The following UBE2D4 variants were observed in gnomAD, a reference collection of about 807,000 sequenced individuals.
UBE2D4 encodes the protein ubiquitin-conjugating enzyme E2 D4.
Under a neutral mutation model 23.0 loss-of-function variants are expected in UBE2D4, and 17 were observed. That is an observed-to-expected ratio of 0.74 (90% confidence interval 0.51 to 1.11). The LOEUF is 1.11. Ranked by LOEUF, UBE2D4 falls within the 50% of genes least tolerant of loss-of-function variation. UBE2D4 has a pLI of 0.00. For synonymous variants in UBE2D4, 61 were observed against 69.4 expected (o/e 0.88, Z 0.60); for missense variants, 139 against 181.8 (o/e 0.76, Z 1.35).
chr7:43,947,036 A>AC, intron 4 of UBE2D4: 2 of 148,572 alleles, frequency 1.3e-5, no homozygotes, highest in South Asian at 4.3e-4. Flanking sequence ...CTCAGCCCCC[A>AC]CCCCCCGACA....
rs1039913482 is a variant in UBE2D4 at position 43,952,872 on chromosome 7, C to T, written c.*177C>T. On this transcript the variant is annotated 3_prime_UTR_variant, in exon 7 of 7. Transcript: ENST00000222402. ...TTGGTGCCATTTTCAGCAATTACGGCTTTGACAGTGCCACCTCTTTGATGC... is the reference window on the plus strand; with the variant it reads ...TTGGTGCCATTTTCAGCAATTACGGTTTTGACAGTGCCACCTCTTTGATGC... 5 of 583,368 alleles carry T rather than the reference C, an allele frequency of 8.6e-6. No individual in the cohort carries two copies. Among genetic ancestry groups the T allele is most frequent in the Non-Finnish European group, 1.3e-5 (4 of 319,546 alleles). The allele number at this position is 583,368 out of a possible 1,614,324, so 36.1% of individuals were successfully genotyped here.
At chr7:43,948,836 T>C (rs772718665) in intron 5 of UBE2D4, 99 bp downstream of exon 5, 1 of 933,272 alleles carries the variant, frequency 1.1e-6, no homozygotes, top group Non-Finnish European at 1.7e-6. Context: ...GAAGTCACCT[T>C]TCCCAGGTCA....
intron 2 of UBE2D4, among the ~76,000 whole-genome samples, chr7:43,939,620 T>C (rs2095966699): frequency 6.6e-6 from 1 of 152,232 alleles, no homozygotes; most frequent in African/African-American, 2.4e-5. Flanking sequence ...AGAATGTGTA[T>C]GCCAATGTTC....
intron 4 of UBE2D4, 48 bp from the exon 5 acceptor site, chr7:43,948,584 C>G: frequency 7.8e-7 from 1 of 1,281,802 alleles, no homozygotes. Flanking sequence ...GGTTCATTTC[C>G]CACACGTCCC....
intron 1 of UBE2D4, among the ~76,000 whole-genome samples, chr7:43,931,390 G>A (rs1301471668): frequency 1.3e-5 from 2 of 152,050 alleles, no homozygotes; most frequent in African/African-American, 4.8e-5. Context: ...GTTGCAGTGA[G>A]CCGATATCGT....
chr7:43,932,171 A>G (rs534888326), intron 1 of UBE2D4, among the ~76,000 whole-genome samples: 1 of 151,554 alleles, frequency 6.6e-6, no homozygotes, highest in African/African-American at 2.4e-5. Flanking sequence ...TTGTATTTTT[A>G]GGAGAGACGG....
At chr7:43,934,453 C>CT (rs36122809) in intron 1 of UBE2D4, among the ~76,000 whole-genome samples, 9,558 of 142,166 alleles carry the variant, frequency 0.067, 340 homozygotes, top group East Asian at 0.1. Context: ...CTTGTTTTTC[C>CT]TTTTTTTTTT....
At position 43,953,225 on chromosome 7, in the gene UBE2D4, G is replaced by A. The variant is rs1386623487; in HGVS notation, c.*530G>A. 2 of 456,552 alleles carry A rather than the reference G, an allele frequency of 4.4e-6. No homozygotes were observed. Among genetic ancestry groups the A allele is most frequent in the South Asian group, 1.5e-5 (1 of 64,562 alleles). 28.3% of individuals were successfully genotyped at this position (456,552 alleles called of 1,614,324 possible). ...GAGGGAATTGGGAACAGTGTCACTG[G>A]GAAGTGAAGGCCTAGCCCTGTGGCT... On this transcript the variant is annotated 3_prime_UTR_variant, in exon 7 of 7. Transcript: ENST00000222402.
At chr7:43,930,425 A>G (rs1165945583) in intron 1 of UBE2D4, among the ~76,000 whole-genome samples, 1 of 152,170 alleles carries the variant, frequency 6.6e-6, no homozygotes, top group African/African-American at 2.4e-5. Context: ...TTCAAATTGA[A>G]TATTTTTAGA....
At chr7:43,937,238 C>T (rs1281616236) in intron 1 of UBE2D4, among the ~76,000 whole-genome samples, 1 of 152,178 alleles carries the variant, frequency 6.6e-6, no homozygotes, top group African/African-American at 2.4e-5. Flanking sequence ...CTTAGCAGTT[C>T]TGTCATAGGG....
chr7:43,928,037 G>GC, intron 1 of UBE2D4: 1 of 453,758 alleles, frequency 2.2e-6, no homozygotes, highest in Non-Finnish European at 4.4e-6. Context: ...CATGGTGCCA[G>GC]CATCTGCTTC....
chr7:43,926,953 C>T (rs907347847), intron 1 of UBE2D4, among the ~76,000 whole-genome samples: 1 of 152,186 alleles, frequency 6.6e-6, no homozygotes, highest in Non-Finnish European at 1.5e-5. Flanking sequence ...AAGGCTTTCC[C>T]TGCAACGGGG....
chr7:43,939,825 A>G lies in UBE2D4; in HGVS notation c.88+1331A>G, dbSNP rs570951782. On this transcript the variant is annotated intron_variant, in intron 2 of 6. Coordinates refer to ENST00000222402, the MANE Select transcript of UBE2D4 (RefSeq NM_015983.4). ...CTAGACTAGGCAAATTCATAGAGAC[A>G]GACGGTAGATGAGAGATTACCTGAG... 1.8e-4 allele frequency among the ~76,000 whole-genome samples: 27 copies of G among 152,358 alleles called. No individual in the cohort carries two copies. The South Asian group carries it at 3.1e-3, about 18-fold the overall frequency.
intron 2 of UBE2D4, chr7:43,942,484 T>C: frequency 4.3e-6 from 2 of 463,122 alleles, no homozygotes; most frequent in South Asian, 4.7e-5. Flanking sequence ...CCTGATTGGG[T>C]GTTCTGTGTG....
At chr7:43,926,602 G>A (rs2095931282) in intron 1 of UBE2D4, 46 bp downstream of exon 1, 3 of 1,537,048 alleles carry the variant, frequency 2.0e-6, no homozygotes, top group Non-Finnish European at 2.6e-6. Flanking sequence ...CCGAAGCGTC[G>A]AGGTGTGGGC....
intron 1 of UBE2D4, among the ~76,000 whole-genome samples, chr7:43,935,521 A>G (rs1264049714): frequency 6.6e-6 from 1 of 152,186 alleles, no homozygotes; most frequent in Non-Finnish European, 1.5e-5. Flanking sequence ...TTGGCCCTAA[A>G]GGAACATAAG....
intron 4 of UBE2D4, chr7:43,947,041 C>G (rs1001597380): frequency 6.6e-6 from 1 of 152,244 alleles, no homozygotes; most frequent in South Asian, 2.1e-4. Flanking sequence ...CCCCCACCCC[C>G]CGACAGGCCC....
rs1241854487 is a variant in UBE2D4 at position 43,954,589 on chromosome 7, G to A, written c.*1894G>A. The A allele has an allele frequency of 6.6e-6, 1 of 152,170 alleles. No homozygotes were observed. The highest frequency in any genetic ancestry group is 2.4e-5 in the African/African-American group (1 of 41,438). The allele number at this position is 152,170 out of a possible 1,614,324, so 9.4% of individuals were successfully genotyped here. On this transcript the variant is annotated 3_prime_UTR_variant, in exon 7 of 7. Transcript: ENST00000222402. ...AGCAAGGATTGCTGTTTTAATTCTT[G>A]TATCTTCGTTGCTTCTTTGGTCTTT...
chr7:43,943,193 A>G (rs41279603), intron 4 of UBE2D4, 162 bp downstream of exon 4: 8,093 of 703,728 alleles, frequency 0.012, 82 homozygotes, highest in Non-Finnish European at 0.017. Context: ...TAATTACTGG[A>G]CTTTGGGAAT....
Sources: allele counts gnomAD v4.1 joint callset (sites outside exome capture counted in the v4.1 genomes callset), GRCh38; gene constraint gnomAD v4.1.1; transcripts MANE v1.5; gene names NCBI Gene and HGNC (gene_info 2026-07-23, HGNC 2026-07-21).